ABCD3: variants seen among roughly 807,000 people sequenced by gnomAD.
ABCD3 encodes ATP binding cassette subfamily D member 3, also known as ATP-binding cassette sub-family D member 3.
ABCD3 carries 41 observed loss-of-function variants against 105.5 expected under a neutral mutation model. That is an observed-to-expected ratio of 0.39 (90% CI 0.30 to 0.50). The LOEUF (loss-of-function observed/expected upper bound fraction) is 0.50, where lower values mean the gene tolerates loss of function less well. ABCD3 is among the 20% of genes least tolerant of loss of function. The pLI is 0.84. For missense variants in ABCD3, 622 were observed against 806.3 expected, an observed-to-expected ratio of 0.77 and a Z score of 2.77; for synonymous variants, 258 against 269.0, an observed-to-expected ratio of 0.96 and a Z score of 0.40.
At chr1:94,502,210 G>A (rs755727105) in intron 20 of ABCD3, among the ~76,000 whole-genome samples, 10 of 152,098 alleles carry the variant, frequency 6.6e-5, no homozygotes, top group Non-Finnish European at 1.3e-4. Flanking sequence ...TCACAGCATG[G>A]CTTAGCAATC....
the ABCD3 span, among the ~76,000 whole-genome samples, chr1:94,405,515 G>A: frequency 1.3e-5 from 2 of 152,026 alleles, no homozygotes; most frequent in African/African-American, 4.8e-5. Context: ...TGTTGGTCAG[G>A]CTGGTCTTGA....
intron 1 of ABCD3, among the ~76,000 whole-genome samples, chr1:94,456,308 T>C (rs1014720050): frequency 1.5e-5 from 2 of 133,234 alleles, no homozygotes; most frequent in African/African-American, 2.8e-5. Flanking sequence ...GGAGTCTTGC[T>C]CTGTCGCCCA....
chr1:94,458,776 C>T (rs1156380096), intron 2 of ABCD3, 133 bp downstream of exon 2: 2 of 840,362 alleles, frequency 2.4e-6, no homozygotes, highest in Middle Eastern at 3.5e-4. Context: ...CTACACATTA[C>T]AGGAATACTC....
At chr1:94,509,154 G>C (rs1430070744) in intron 21 of ABCD3, among the ~76,000 whole-genome samples, 6 of 151,902 alleles carry the variant, frequency 3.9e-5, no homozygotes, top group African/African-American at 7.3e-5. Flanking sequence ...TTTTGAGATA[G>C]GTCCCATCAA....
chr1:94,484,331 T>G (rs1352547316), intron 10 of ABCD3, among the ~76,000 whole-genome samples: 3 of 152,226 alleles, frequency 2.0e-5, no homozygotes, highest in Non-Finnish European at 4.4e-5. Context: ...TAAAGACACA[T>G]GCACACATAC....
chr1:94,480,591 G>A lies in ABCD3; in HGVS notation c.812G>A (p.Arg271Gln), dbSNP rs772995029. ...GGAGAATATAGATATGTTAATTCTC[G>A]GCTCATCACAAACAGGTAAAGACAA... ...YEGEYRYVNS[R>Q]LITNSEEIAF... The change falls in exon 9 of 23, where the codon CGG becomes CAG. Residue 271 changes from arginine to glutamine, a missense_variant. Physicochemically the swap from Arg to Gln is conservative, Grantham distance 43 (BLOSUM62 1). This residue lies in a region of ABCD3 where 245 missense variants were observed against 356.4 expected (regional missense o/e 0.69). Transcript: ENST00000370214. The A allele has an allele frequency of 6.2e-6, 10 of 1,613,432 alleles. No homozygotes were observed. In the African/African-American group the frequency reaches 6.7e-5, roughly 11 times the overall value.
At chr1:94,472,477 T>A (rs1268794175) in intron 4 of ABCD3, among the ~76,000 whole-genome samples, 2 of 151,784 alleles carry the variant, frequency 1.3e-5, no homozygotes, top group Non-Finnish European at 2.9e-5. Context: ...TTAACTGTTT[T>A]ACTTTTTAGG....
rs538804053 is a variant in ABCD3, at chr1:94,469,951, C to G, written c.335+1944C>G. Among the ~76,000 whole-genome samples the G allele has an allele frequency of 2.0e-5, 3 of 152,252 alleles. No homozygotes were observed. The South Asian group carries it at 6.2e-4, about 32-fold the overall frequency. On this transcript the variant is annotated intron_variant, in intron 4 of 22. Coordinates refer to ENST00000370214, the MANE Select transcript of ABCD3 (RefSeq NM_002858.4). ...AAGTGCTGGGTCTTCTTGCTTTAAT[C>G]AGGATTGGTTGCATTTTAGGCCCAC...
chr1:94,497,845 T>G (rs148012540), intron 16 of ABCD3, among the ~76,000 whole-genome samples: 4 of 152,292 alleles, frequency 2.6e-5, no homozygotes, highest in South Asian at 4.1e-4. Context: ...TGGAAGATGC[T>G]TGAGGCATTA....
intron 1 of ABCD3, among the ~76,000 whole-genome samples, chr1:94,453,554 G>A (rs571885048): frequency 1.2e-4 from 19 of 152,008 alleles, no homozygotes; most frequent in African/African-American, 3.4e-4. Context: ...TCCTGACCTC[G>A]TGATCCGCCC....
At chr1:94,413,212 C>A in the ABCD3 span, among the ~76,000 whole-genome samples, 1 of 150,990 alleles carries the variant, frequency 6.6e-6, no homozygotes, top group African/African-American at 2.4e-5. Context: ...TCTTTTTTTT[C>A]CTTTTAAAAA....
intron 16 of ABCD3, among the ~76,000 whole-genome samples, chr1:94,493,680 C>G (rs1356507422): frequency 1.3e-5 from 2 of 152,052 alleles, no homozygotes; most frequent in African/African-American, 4.8e-5. Flanking sequence ...ATAGCAAAGA[C>G]TTGGAACCAA....
At chr1:94,486,302 A>C (rs1369544785) in intron 10 of ABCD3, among the ~76,000 whole-genome samples, 1 of 152,188 alleles carries the variant, frequency 6.6e-6, no homozygotes, top group Non-Finnish European at 1.5e-5. Flanking sequence ...AAGGTCCTGG[A>C]ACCAATCCCA....
At chr1:94,438,823 A>G (rs1660029861) in intron 1 of ABCD3, among the ~76,000 whole-genome samples, 1 of 152,224 alleles carries the variant, frequency 6.6e-6, no homozygotes, top group Non-Finnish European at 1.5e-5. Flanking sequence ...GAGAGACTAC[A>G]CAGTATAGTG....
chr1:94,468,650 G>A (rs969353720), intron 4 of ABCD3, among the ~76,000 whole-genome samples: 5 of 152,088 alleles, frequency 3.3e-5, no homozygotes, highest in Admixed American at 1.3e-4. Context: ...AAACATTTTT[G>A]CTAGGAATTT....
In ABCD3 at chr1:94,506,130, A is replaced by G. The variant is rs76263194; in HGVS notation, c.1741-408A>G. Reference sequence around the variant, plus strand: ...ATTATTGGTGAGAATATTAATTGGTACCATTACTTAAGCAACAAAATATTT... The same window carrying G: ...ATTATTGGTGAGAATATTAATTGGTGCCATTACTTAAGCAACAAAATATTT... On this transcript the variant is annotated intron_variant, in intron 20 of 22. Transcript: ENST00000370214. Among the ~76,000 whole-genome samples the G allele has an allele frequency of 8.3e-3, 1,257 of 152,304 alleles. 14 individuals are homozygous for G. Among genetic ancestry groups the G allele is most frequent in the African/African-American group, 0.029 (1,205 of 41,578 alleles).
At chr1:94,404,892 T>C in the ABCD3 span, among the ~76,000 whole-genome samples, 4 of 151,182 alleles carry the variant, frequency 2.6e-5, no homozygotes, top group African/African-American at 4.9e-5. Context: ...TGAGCTGATA[T>C]TGCGCCGCTG....
intron 10 of ABCD3, among the ~76,000 whole-genome samples, chr1:94,483,996 T>G (rs1419108585): frequency 1.3e-5 from 2 of 152,086 alleles, no homozygotes; most frequent in East Asian, 3.9e-4. Flanking sequence ...AACAGACACT[T>G]CTGAAAAGAA....
rs1651020205 is a variant in ABCD3, at chr1:94,518,312, C to T, written c.*1183C>T. 6.6e-6 allele frequency: 1 copy of T among 152,082 alleles called. No homozygotes were observed. The highest frequency in any genetic ancestry group is 6.6e-5 in the Admixed American group (1 of 15,192). 9.4% of individuals were successfully genotyped at this position (152,082 alleles called of 1,614,324 possible). On this transcript the variant is annotated 3_prime_UTR_variant, in exon 23 of 23. Coordinates refer to ENST00000370214, the MANE Select transcript of ABCD3 (RefSeq NM_002858.4). ...CTAGATACGAAATCAGTTTCTCAAACTGAGCTTCAGAAAGGGGCATTTTGT... is the reference window on the plus strand; with the variant it reads ...CTAGATACGAAATCAGTTTCTCAAATTGAGCTTCAGAAAGGGGCATTTTGT...
Sources: gnomAD v4.1 joint callset for allele counts (sites outside exome capture counted in the v4.1 genomes callset) on GRCh38, gnomAD v4.1.1 for gene constraint, gnomAD v4.1.1 regional missense constraint, MANE v1.5 for transcripts, NCBI Gene and HGNC (gene_info 2026-07-23, HGNC 2026-07-21) for gene names.